AHNAK: variants seen among roughly 807,000 people sequenced by gnomAD.
AHNAK encodes the protein neuroblast differentiation-associated protein AHNAK.
AHNAK carries 23 observed loss-of-function variants against 37.8 expected under a neutral mutation model. The ratio of observed to expected loss-of-function variants is 0.61; its 90% CI spans 0.44 to 0.86. The LOEUF (loss-of-function observed/expected upper bound fraction) is 0.86, where lower values mean the gene tolerates loss of function less well. AHNAK is among the 40% of genes least tolerant of loss of function. The probability of loss-of-function intolerance (pLI) is 0.00; values close to 1 mark genes in which losing one functional copy is unlikely to be tolerated. For synonymous variants in AHNAK, 2,481 were observed against 2,636.3 expected, an observed-to-expected ratio of 0.94 and a Z score of 1.80; for missense variants, 7,411 against 7,319.4, an observed-to-expected ratio of 1.01 and a Z score of -0.46.
rs777117752 is a variant in AHNAK, at chr11:62,521,736, A to G, written c.12681T>C (p.Asp4227=). 1 of 1,613,780 alleles carries G rather than the reference A, an allele frequency of 6.2e-7. No individual in the cohort carries two copies. The highest frequency in any genetic ancestry group is 8.5e-7 in the Non-Finnish European group (1 of 1,179,978). Reference sequence around the variant, plus strand: ...GACCTTCGATATTCACATCAGGAACATCAATGTCCACCTTGGGTCCTGAGA... The same window carrying G: ...GACCTTCGATATTCACATCAGGAACGTCAATGTCCACCTTGGGTCCTGAGA... ...LDVSGPKVDI[D]VPDVNIEGPD... is the part of the protein sequence containing the mutation. The change falls in exon 5 of 5, where the codon GAT becomes GAC. Residue 4227 remains aspartate, a synonymous_variant. Transcript: ENST00000378024.
intron 5 of AHNAK, among the ~76,000 whole-genome samples, chr11:62,486,671 G>A (rs1227922487): frequency 2.0e-5 from 3 of 152,064 alleles, no homozygotes; most frequent in Non-Finnish European, 4.4e-5. Flanking sequence ...TGGTTCCACC[G>A]TAATGTAGAT....
In AHNAK at chr11:62,529,616, G is replaced by A. The variant is rs1940647324; in HGVS notation, c.4801C>T (p.Leu1601Phe). ...TTCAAGTCTCCTTCCACTTTGGGAA[G>A]GGAAACATCTACATCAGTTTTCAGT... ...PKLKTDVDVS[L>F]PKVEGDLKGP... The change falls in exon 5 of 5, where the codon CTT becomes TTT. Residue 1601 changes from leucine (L) to phenylalanine (F), a missense_variant. Physicochemically the swap from Leu to Phe is conservative, Grantham distance 22. Coordinates refer to ENST00000378024, the MANE Select transcript of AHNAK (RefSeq NM_001620.3). 5 of 1,614,022 alleles carry A rather than the reference G, an allele frequency of 3.1e-6. No individual in the cohort carries two copies. In the South Asian group the frequency reaches 3.3e-5, roughly 11 times the overall value.
intron 4 of AHNAK, among the ~76,000 whole-genome samples, chr11:62,502,818 G>C (rs777519635): frequency 1.1e-4 from 17 of 152,188 alleles, no homozygotes; most frequent in Admixed American, 3.9e-4. Flanking sequence ...AAAGAGAAGA[G>C]TATGTTAAAA....
chr11:62,473,863 G>C (rs576911531), intron 5 of AHNAK, among the ~76,000 whole-genome samples: 1 of 151,970 alleles, frequency 6.6e-6, no homozygotes, highest in South Asian at 2.1e-4. Flanking sequence ...AGCTGGACAT[G>C]GTGATGTGTG....
chr11:62,477,428 G>A (rs1156521983), intron 5 of AHNAK, among the ~76,000 whole-genome samples: 3 of 152,094 alleles, frequency 2.0e-5, no homozygotes, highest in Non-Finnish European at 4.4e-5. Context: ...TTAATTCCTG[G>A]GTGATGAAAT....
intron 4 of AHNAK, 61 bp from the exon 5 acceptor site, chr11:62,534,135 G>C: frequency 6.8e-7 from 1 of 1,479,332 alleles, no homozygotes; most frequent in Non-Finnish European, 9.0e-7. Context: ...GCAGATGCCC[G>C]GCCACAGCCC....
At chr11:62,507,799 A>C (rs1939835945) in intron 4 of AHNAK, among the ~76,000 whole-genome samples, 1 of 152,196 alleles carries the variant, frequency 6.6e-6, no homozygotes, top group African/African-American at 2.4e-5. Context: ...AACAAAAAAC[A>C]AAAAACTGAG....
intron 5 of AHNAK, among the ~76,000 whole-genome samples, chr11:62,460,688 A>G: frequency 6.6e-6 from 1 of 152,212 alleles, no homozygotes; most frequent in Middle Eastern, 3.2e-3. Context: ...AAGCAGACAG[A>G]TAAGGATGGT....
intron 1 of AHNAK, among the ~76,000 whole-genome samples, chr11:62,543,317 C>T (rs1590696385): frequency 6.6e-6 from 1 of 152,338 alleles, no homozygotes; most frequent in East Asian, 1.9e-4. Context: ...AATGCCACTG[C>T]CATCCTCTGC....
At chr11:62,510,044 T>TTTTGTTTG (rs140209456) in intron 4 of AHNAK, among the ~76,000 whole-genome samples, 8 of 151,516 alleles carry the variant, frequency 5.3e-5, no homozygotes, top group Middle Eastern at 3.4e-3. Flanking sequence ...TGTATTGGAG[T>TTTTGTTTG]TTTGTTTGTT....
At chr11:62,460,660 C>T (rs950512643) in intron 5 of AHNAK, among the ~76,000 whole-genome samples, 1 of 152,068 alleles carries the variant, frequency 6.6e-6, no homozygotes, top group Non-Finnish European at 1.5e-5. Context: ...AGAAGGAGAG[C>T]AAGCCGTGAG....
chr11:62,525,951 C>A lies in AHNAK; in HGVS notation c.8466G>T (p.Lys2822Asn), dbSNP rs1352101691. The A allele has an allele frequency of 1.2e-6, 2 of 1,614,032 alleles. No homozygotes were observed. Among genetic ancestry groups the A allele is most frequent in the Non-Finnish European group, 1.7e-6 (2 of 1,180,028 alleles). The change falls in exon 5 of 5, where the codon AAG (lysine) becomes AAT (asparagine). Residue 2822 changes from lysine to asparagine, a missense_variant. Coordinates refer to ENST00000378024, the MANE Select transcript of AHNAK (RefSeq NM_001620.3). The stretch of plus-strand genomic sequence containing the variant: ...TAAAATGCATCTCTGGCATCTTAAA[C>A]TTTGGACTTTTCCACTTTCCTTCAG... ...EGPEGKWKSP[K>N]FKMPEMHFKT...
In AHNAK at chr11:62,530,675, G is replaced by A. The variant is rs779921865; in HGVS notation, c.3742C>T (p.Pro1248Ser). The change falls in exon 5 of 5, where the codon CCA (proline) becomes TCA (serine). Residue 1248 changes from proline (P) to serine (S), a missense_variant. Transcript: ENST00000378024. Reference sequence around the variant, plus strand: ...TTGGGCATCTTCAGGTGCCAGTCTGGGCCTTGAACCTCCACATCTGGGGCA... The same window carrying A: ...TTGGGCATCTTCAGGTGCCAGTCTGAGCCTTGAACCTCCACATCTGGGGCA... ...IDAPDVEVQG[P>S]DWHLKMPKMK... 2 of 1,613,254 alleles carry A rather than the reference G, an allele frequency of 1.2e-6. No individual in the cohort carries two copies. Among genetic ancestry groups the A allele is most frequent in the East Asian group, 2.2e-5 (1 of 44,822 alleles).
rs2134231967 is a variant in AHNAK at position 62,529,311 on chromosome 11, C to A, written c.5106G>T (p.Glu1702Asp). 1.2e-6 allele frequency: 2 copies of A among 1,614,050 alleles called. No homozygotes were observed. The highest frequency in any genetic ancestry group is 2.2e-5 in the South Asian group (2 of 91,074). Residue 1702 changes from glutamate (E) to aspartate (D), a missense_variant, in exon 5 of 5, where the codon GAG becomes GAT. Transcript: ENST00000378024. ...PKVDIDAPDV[E>D]VHDPDWHLKM... ...TCAGGTGCCAATCTGGGTCGTGAAC[C>A]TCCACATCTGGGGCATCAATGTCCA...
Position 62,530,110 on chromosome 11 carries a change from C to G in AHNAK, c.4307G>C (p.Gly1436Ala). The G allele has an allele frequency of 1.2e-6, 2 of 1,614,068 alleles. No individual in the cohort carries two copies. The highest frequency in any genetic ancestry group is 1.7e-6 in the Non-Finnish European group (2 of 1,179,996). ...CATTTCTGGCATCTTGAATTTGGGA[C>G]CTTTTAGTTTTGCGTCTGGACCTTC... ...NIEGPDAKLK[G>A]PKFKMPEMSI... is the part of the protein sequence containing the mutation. The change falls in exon 5 of 5, where the codon GGT becomes GCT. Residue 1436 changes from glycine (G) to alanine (A), a missense_variant. Physicochemically the swap from Gly to Ala is moderately conservative, Grantham distance 60. Transcript: ENST00000378024.
At chr11:62,506,546 T>TC (rs1227301862) in intron 4 of AHNAK, among the ~76,000 whole-genome samples, 1 of 152,018 alleles carries the variant, frequency 6.6e-6, no homozygotes, top group East Asian at 1.9e-4. Context: ...TTTCAGGTTC[T>TC]CCCCCCAGAC....
chr11:62,460,156 A>G (rs1399810550), intron 5 of AHNAK, among the ~76,000 whole-genome samples: 1 of 150,586 alleles, frequency 6.6e-6, no homozygotes, highest in African/African-American at 2.4e-5. Flanking sequence ...GCGTGGTGGC[A>G]CACGCCTGTA....
intron 4 of AHNAK, among the ~76,000 whole-genome samples, chr11:62,510,528 G>T (rs1939890798): frequency 6.6e-6 from 1 of 151,918 alleles, no homozygotes; most frequent in African/African-American, 2.4e-5. Context: ...TGGATTACCT[G>T]AGGTCAGGAG....
Position 62,516,653 on chromosome 11 carries a change from T to G in AHNAK, c.*91A>C, listed in dbSNP as rs999325059. Reference sequence around the variant, plus strand: ...TTTGCATGATTGCTGAGGCAGTCGGTGTGTTTCCCTTTGGAGTTTATATAG... The same window carrying G: ...TTTGCATGATTGCTGAGGCAGTCGGGGTGTTTCCCTTTGGAGTTTATATAG... On this transcript the variant is annotated 3_prime_UTR_variant, in exon 5 of 5. Coordinates refer to ENST00000378024, the MANE Select transcript of AHNAK (RefSeq NM_001620.3). The G allele has an allele frequency of 3.3e-6, 5 of 1,508,776 alleles. No individual in the cohort carries two copies. The highest frequency in any genetic ancestry group is 4.4e-6 in the Non-Finnish European group (5 of 1,136,926). 93.5% of individuals were successfully genotyped at this position (1,508,776 alleles called of 1,614,324 possible). A position where few individuals can be genotyped will look rare whatever the true frequency, so the allele number is the denominator to read the frequency against.
Sources: allele counts gnomAD v4.1 joint callset (sites outside exome capture counted in the v4.1 genomes callset), GRCh38; gene constraint gnomAD v4.1.1; transcripts MANE v1.5; gene names NCBI Gene and HGNC (gene_info 2026-07-23, HGNC 2026-07-21).